EML6: variants seen among roughly 807,000 people sequenced by gnomAD.
EML6 encodes echinoderm microtubule-associated protein-like 6.
In EML6, 154 loss-of-function variants were observed where a neutral mutation model predicts 240.1. The ratio of observed to expected loss-of-function variants is 0.64; its 90% CI spans 0.56 to 0.73. EML6 has a LOEUF of 0.73. EML6 is among the 30% of genes least tolerant of loss of function. EML6 has a pLI of 0.00. For synonymous variants in EML6, 1,148 were observed against 899.0 expected (o/e 1.28, Z -4.95); for missense variants, 2,964 against 2,474.6 (o/e 1.20, Z -4.20).
rs145384850 is a variant in EML6 at position 54,853,498 on chromosome 2, A to G, written c.1445-145A>G. The G allele has an allele frequency of 6.8e-3, 3,739 of 547,822 alleles. 37 individuals carry two copies. The highest frequency in any genetic ancestry group is 8.1e-3 in the Non-Finnish European group (2,737 of 336,062). The allele number at this position is 547,822 out of a possible 1,614,324, so 33.9% of individuals were successfully genotyped here. A position where few individuals can be genotyped will look rare whatever the true frequency, so the allele number is the denominator to read the frequency against. On this transcript the variant is annotated intron_variant, in intron 10 of 41. Transcript: ENST00000356458. ...GGCTTTCTTTAAGCCACGCAAAAAA[A>G]GAAAAAATCGCAAATGGGATAAAGA...
At chr2:54,949,341 C>T (rs892196007) in intron 29 of EML6, among the ~76,000 whole-genome samples, 1 of 152,172 alleles carries the variant, frequency 6.6e-6, no homozygotes, top group Non-Finnish European at 1.5e-5. Flanking sequence ...GCCTGAGCCC[C>T]GACTGTTTGC....
At chr2:54,883,314 T>G (rs1358065398) in intron 17 of EML6, among the ~76,000 whole-genome samples, 2 of 152,236 alleles carry the variant, frequency 1.3e-5, no homozygotes, top group Non-Finnish European at 2.9e-5. Context: ...CTCACTGTGT[T>G]CTAATTTGTT....
chr2:54,813,112 TC>T, intron 2 of EML6, 119 bp from the exon 3 acceptor site: 1 of 717,334 alleles, frequency 1.4e-6, no homozygotes, highest in Non-Finnish European at 2.3e-6. Context: ...TGGGGACAGT[TC>T]AGACTCTTTC....
intron 26 of EML6, among the ~76,000 whole-genome samples, chr2:54,924,618 A>G (rs1257550071): frequency 1.3e-5 from 2 of 152,194 alleles, no homozygotes; most frequent in Admixed American, 6.5e-5. Flanking sequence ...CTGCAGTGCA[A>G]TGGCGTGATC....
At chr2:54,822,269 C>G (rs79069931) in intron 5 of EML6, among the ~76,000 whole-genome samples, 329 of 152,306 alleles carry the variant, frequency 2.2e-3, no homozygotes, top group African/African-American at 7.6e-3. Flanking sequence ...AATGACCACT[C>G]TCAAACCTTG....
chr2:54,959,476 C>T (rs1433023554), intron 34 of EML6, among the ~76,000 whole-genome samples: 1 of 152,072 alleles, frequency 6.6e-6, no homozygotes, highest in Non-Finnish European at 1.5e-5. Flanking sequence ...AGTTTAAAAA[C>T]CTGAGAGAGG....
intron 2 of EML6, among the ~76,000 whole-genome samples, chr2:54,748,131 A>G (rs1166992917): frequency 2.0e-5 from 3 of 152,246 alleles, no homozygotes; most frequent in Non-Finnish European, 4.4e-5. Flanking sequence ...AAAAGAAATT[A>G]TAGTAGTTGA....
At chr2:54,805,407 A>G (rs1670415755) in intron 2 of EML6, among the ~76,000 whole-genome samples, 1 of 152,184 alleles carries the variant, frequency 6.6e-6, no homozygotes, top group Non-Finnish European at 1.5e-5. Context: ...ATCATTTTAC[A>G]TTTCCTATTA....
At chr2:54,862,296 C>A (rs557819254) in intron 12 of EML6, among the ~76,000 whole-genome samples, 1 of 141,604 alleles carries the variant, frequency 7.1e-6, no homozygotes, top group Non-Finnish European at 1.5e-5. Flanking sequence ...CACGATTGTG[C>A]CACCGCACTC....
In EML6 at chr2:54,948,898, G is replaced by T. The variant is rs1358659887; in HGVS notation, c.4021G>T (p.Ala1341Ser). The T allele has an allele frequency of 2.6e-6, 4 of 1,551,320 alleles. No individual in the cohort carries two copies. The highest frequency in any genetic ancestry group is 1.4e-5 in the African/African-American group (1 of 73,032). Residue 1341 changes from alanine to serine, a missense_variant, in exon 29 of 42, where the codon GCA becomes TCA. Physicochemically the swap from Ala to Ser is moderately conservative, Grantham distance 99 (BLOSUM62 1). Transcript: ENST00000356458. ...SVEERPPVSRAAPQPEKLQKN... is the reference protein window; with the variant it reads ...SVEERPPVSRSAPQPEKLQKN... ...CTCTTCCAGACCACCCGTTAGCCGA[G>T]CAGCTCCCCAGCCTGAGAAACTGCA...
At chr2:54,872,460 C>T (rs1387340656) in intron 16 of EML6, among the ~76,000 whole-genome samples, 1 of 152,122 alleles carries the variant, frequency 6.6e-6, no homozygotes, top group Admixed American at 6.5e-5. Flanking sequence ...CGTTCAAGCC[C>T]TCACTCTTTC....
At position 54,853,694 on chromosome 2, in the gene EML6, C is replaced by T. The variant is rs1670217536; in HGVS notation, c.1496C>T (p.Ser499Phe). 3.2e-6 allele frequency: 5 copies of T among 1,550,680 alleles called. No homozygotes were observed. The highest frequency in any genetic ancestry group is 3.3e-4 in the Middle Eastern group (2 of 5,990). Reference sequence around the variant, plus strand: ...GAAATTAAAGGGATTCCTTGGGCCTCCTGGACATGCGTGAAAGGCCCTGAA... The same window carrying T: ...GAAATTAAAGGGATTCCTTGGGCCTTCTGGACATGCGTGAAAGGCCCTGAA... ...KEEIKGIPWA[S>F]WTCVKGPEVS... The change falls in exon 11 of 42, where the codon TCC becomes TTC. Residue 499 changes from serine (S) to phenylalanine (F), a missense_variant. Physicochemically the swap from Ser to Phe is radical, Grantham distance 155. Coordinates refer to ENST00000356458, the MANE Select transcript of EML6 (RefSeq NM_001039753.4).
At chr2:54,921,384 TGTATACTG>T (rs1243628336) in intron 26 of EML6, among the ~76,000 whole-genome samples, 1 of 152,126 alleles carries the variant, frequency 6.6e-6, no homozygotes, top group African/African-American at 2.4e-5. Context: ...GCGAAAGAAC[TGTATACTG>T]AAATCTGTAA....
chr2:54,847,100 G>A (rs762789620), intron 8 of EML6, among the ~76,000 whole-genome samples: 1 of 151,514 alleles, frequency 6.6e-6, no homozygotes, highest in East Asian at 2.0e-4. Context: ...TAGAGTCTGT[G>A]TCTCATTATA....
intron 2 of EML6, among the ~76,000 whole-genome samples, chr2:54,799,297 G>A (rs1349614796): frequency 1.3e-5 from 2 of 151,840 alleles, no homozygotes; most frequent in Non-Finnish European, 2.9e-5. Flanking sequence ...CTGACCTCAG[G>A]TGATCTGCCT....
At chr2:54,960,706 C>T (rs997347075) in intron 35 of EML6, among the ~76,000 whole-genome samples, 8 of 152,084 alleles carry the variant, frequency 5.3e-5, no homozygotes, top group African/African-American at 1.7e-4. Flanking sequence ...AAATAGTTTG[C>T]CCATGCCCTA....
chr2:54,918,768 A>G (rs1484268903), intron 26 of EML6, among the ~76,000 whole-genome samples: 2 of 152,196 alleles, frequency 1.3e-5, no homozygotes, highest in Admixed American at 1.3e-4. Context: ...TTCTTGGCAA[A>G]TGTCTTGCCT....
At chr2:54,794,150 T>C (rs926825617) in intron 2 of EML6, among the ~76,000 whole-genome samples, 1 of 152,144 alleles carries the variant, frequency 6.6e-6, no homozygotes, top group African/African-American at 2.4e-5. Context: ...CGGACAAATA[T>C]AAAGGCTAAG....
In EML6 at chr2:54,895,369, A is replaced by G. The variant is rs770847525; in HGVS notation, c.2951A>G (p.Asp984Gly). The G allele has an allele frequency of 1.3e-6, 2 of 1,552,056 alleles. No individual in the cohort carries two copies. Among genetic ancestry groups the G allele is most frequent in the South Asian group, 1.2e-5 (1 of 84,060 alleles). ...AAAAATGGAGAGATTCTGGAAATTGATAAGAGTGGCCCAATGACACTGCTT... is the reference window on the plus strand; with the variant it reads ...AAAAATGGAGAGATTCTGGAAATTGGTAAGAGTGGCCCAATGACACTGCTT... Reference protein sequence around the residue: ...GTKNGEILEIDKSGPMTLLVQ... With the variant: ...GTKNGEILEIGKSGPMTLLVQ... Residue 984 changes from aspartate (D) to glycine (G), a missense_variant, in exon 21 of 42, where the codon GAT (aspartate) becomes GGT (glycine). Asp to Gly is a moderately conservative substitution (Grantham distance 94, BLOSUM62 -1). Transcript: ENST00000356458.
Sources: allele counts gnomAD v4.1 joint callset (sites outside exome capture counted in the v4.1 genomes callset), GRCh38; gene constraint gnomAD v4.1.1; transcripts MANE v1.5; gene names NCBI Gene and HGNC (gene_info 2026-07-23, HGNC 2026-07-21).